Variants in CAST observed in about 807,000 individuals in gnomAD.
CAST encodes the protein MIR583 host.
Under a neutral mutation model 119.6 loss-of-function variants are expected in CAST, and 76 were observed. The observed-to-expected ratio is 0.64, with a 90% CI of 0.53 to 0.77. CAST has a LOEUF of 0.77. Among genes scored for constraint, CAST ranks in the 30% least tolerant of loss-of-function variants. The pLI is 0.00. For missense variants in CAST, 953 were observed against 946.5 expected (o/e 1.01, Z -0.09); for synonymous variants, 319 against 331.6 (o/e 0.96, Z 0.41).
chr5:96,538,659 C>T (rs910450063), intron 1 of CAST, among the ~76,000 whole-genome samples: 13 of 136,956 alleles, frequency 9.5e-5, no homozygotes, highest in Non-Finnish European at 1.3e-4. Flanking sequence ...TGTTTTGCAA[C>T]ATCTGTTTTT....
chr5:96,012,360 T>A, the CAST span, among the ~76,000 whole-genome samples: 8 of 152,302 alleles, frequency 5.3e-5, no homozygotes, highest in Non-Finnish European at 1.2e-4. Flanking sequence ...TAAATAATTA[T>A]GCTTTAGGGG....
At chr5:96,383,410 T>C in the CAST span, among the ~76,000 whole-genome samples, 1 of 152,078 alleles carries the variant, frequency 6.6e-6, no homozygotes. Flanking sequence ...TAGGGACAAA[T>C]TGCCCAGGGC....
the CAST span, among the ~76,000 whole-genome samples, chr5:96,364,903 T>C: frequency 6.6e-6 from 1 of 152,242 alleles, no homozygotes; most frequent in Non-Finnish European, 1.5e-5. Flanking sequence ...CTAGTTCTTT[T>C]AATTGTGATG....
chr5:96,176,106 CAA>C, the CAST span, among the ~76,000 whole-genome samples: 1 of 152,080 alleles, frequency 6.6e-6, no homozygotes, highest in African/African-American at 2.4e-5. Context: ...ATCTGAAGGA[CAA>C]AGAGAATTTT....
chr5:96,749,281 A>G (rs74727797), intron 19 of CAST, among the ~76,000 whole-genome samples: 1,586 of 152,342 alleles, frequency 0.01, 15 homozygotes, highest in Non-Finnish European at 0.015. Flanking sequence ...ATTAAGCAGA[A>G]CACAACATGG....
chr5:96,213,909 A>G, the CAST span: 41 of 152,328 alleles, frequency 2.7e-4, no homozygotes, highest in Admixed American at 2.4e-3. Flanking sequence ...GTCTTCTATC[A>G]GAGTTAGTCT....
At chr5:96,768,599 A>G (rs1393652595) in intron 29 of CAST, among the ~76,000 whole-genome samples, 1 of 152,178 alleles carries the variant, frequency 6.6e-6, no homozygotes, top group Admixed American at 6.5e-5. Flanking sequence ...TGTAATTTCC[A>G]TAGCCACCAT....
At chr5:96,053,420 T>C in the CAST span, among the ~76,000 whole-genome samples, 1 of 152,228 alleles carries the variant, frequency 6.6e-6, no homozygotes, top group African/African-American at 2.4e-5. Flanking sequence ...AAAAGTTTTG[T>C]GAGTTTTTTC....
chr5:96,751,677 A>T (rs971525289), intron 20 of CAST, among the ~76,000 whole-genome samples: 2 of 152,162 alleles, frequency 1.3e-5, no homozygotes, highest in Non-Finnish European at 2.9e-5. Flanking sequence ...GAAAGCAGGC[A>T]AAGAGGCTGT....
chr5:96,772,368 A>G (rs1772737218), intron 31 of CAST: 1 of 152,998 alleles, frequency 6.5e-6, no homozygotes, highest in Non-Finnish European at 1.5e-5. Flanking sequence ...CCAAAGCCTA[A>G]AAGAAATCAA....
chr5:96,341,375 G>A, the CAST span, among the ~76,000 whole-genome samples: 1 of 65,664 alleles, frequency 1.5e-5, no homozygotes, highest in East Asian at 4.5e-4. Flanking sequence ...TTGGTTTGTT[G>A]TTTTGTTTTT....
intron 1 of CAST, among the ~76,000 whole-genome samples, chr5:96,650,609 A>G (rs1400818980): frequency 6.6e-6 from 1 of 152,074 alleles, no homozygotes; most frequent in Non-Finnish European, 1.5e-5. Context: ...CCTCCTAAAA[A>G]TCTTCCTTTC....
chr5:96,362,654 A>G, the CAST span, among the ~76,000 whole-genome samples: 1 of 152,272 alleles, frequency 6.6e-6, no homozygotes, highest in Non-Finnish European at 1.5e-5. Context: ...GTCTGTTCAT[A>G]TACTTTACCC....
intron 1 of CAST, among the ~76,000 whole-genome samples, chr5:96,567,778 A>T (rs1302187892): frequency 1.3e-5 from 2 of 152,162 alleles, no homozygotes; most frequent in Non-Finnish European, 1.5e-5. Flanking sequence ...AGATATAAAG[A>T]CCCATAAGGA....
the CAST span, among the ~76,000 whole-genome samples, chr5:96,463,312 A>T: frequency 6.6e-6 from 1 of 152,260 alleles, no homozygotes; most frequent in African/African-American, 2.4e-5. Flanking sequence ...AAGGTCCAGT[A>T]AATGTCAAGT....
rs11406642 is a variant in CAST, at chr5:96,713,133, C to CTTT, written c.211-9491_211-9489dup. 9.2e-4 allele frequency among the ~76,000 whole-genome samples: 126 copies of CTTT among 136,750 alleles called. 2 individuals carry two copies. The highest frequency in any genetic ancestry group is 2.8e-3 in the African/African-American group (102 of 36,972). 89.7% of individuals were successfully genotyped at this position (136,750 alleles called of 152,430 possible). On this transcript the variant is annotated intron_variant, in intron 3 of 31. Transcript: ENST00000675179. ...TTGTTCAGCAGACCTCAGAATTTCT[C>CTTT]TTTTTTTTTTTTTTTTTGAGATGGA...
the CAST span, among the ~76,000 whole-genome samples, chr5:96,371,716 A>T: frequency 6.6e-6 from 1 of 152,214 alleles, no homozygotes; most frequent in Admixed American, 6.5e-5. Context: ...ATTGGTTGAA[A>T]GTATGAAAAA....
At chr5:96,533,409 A>G (rs1332118364) in intron 1 of CAST, among the ~76,000 whole-genome samples, 2 of 152,220 alleles carry the variant, frequency 1.3e-5, no homozygotes, top group African/African-American at 2.4e-5. Flanking sequence ...CTAGACTAAT[A>G]GTTCCCTGAT....
intron 9 of CAST, among the ~76,000 whole-genome samples, chr5:96,735,885 C>T (rs957625906): frequency 1.4e-4 from 22 of 152,106 alleles, no homozygotes; most frequent in Middle Eastern, 3.2e-3. Context: ...AGAAGAACAG[C>T]GAGGAAAGAA....
Sources: gnomAD v4.1 joint callset for allele counts (sites outside exome capture counted in the v4.1 genomes callset) on GRCh38, gnomAD v4.1.1 for gene constraint, MANE v1.5 for transcripts, NCBI Gene and HGNC (gene_info 2026-07-23, HGNC 2026-07-21) for gene names.